Variants in CFL2 observed in about 807,000 individuals in gnomAD.
The protein encoded by CFL2 is cofilin-2.
A neutral mutation model predicts 19.6 loss-of-function variants in CFL2; 10 were observed. The observed-to-expected ratio is 0.51, with a 90% confidence interval of 0.31 to 0.86. The LOEUF (loss-of-function observed/expected upper bound fraction) is 0.86. CFL2 is among the 40% of genes least tolerant of loss of function. CFL2 has a pLI of 0.04. For missense variants in CFL2, 125 were observed against 192.1 expected (o/e 0.65, Z 2.06); for synonymous variants, 63 against 66.7 (o/e 0.95, Z 0.27).
rs1885218863 is a variant in CFL2 at position 34,709,639 on chromosome 14, A to T, written c.*3226T>A. 1 of 150,982 alleles carries T rather than the reference A, an allele frequency of 6.6e-6. No homozygotes were observed. Among genetic ancestry groups the T allele is most frequent in the African/African-American group, 2.4e-5 (1 of 41,086 alleles). The allele number at this position is 150,982 out of a possible 1,614,324, so 9.4% of individuals were successfully genotyped here. On this transcript the variant is annotated 3_prime_UTR_variant, in exon 4 of 4. Transcript: ENST00000298159. Reference sequence around the variant, plus strand: ...AAGAGATACAAAAAAAAAAAAAAAAAAAATTAGGCATGGTGGTGCATGCCT... The same window carrying T: ...AAGAGATACAAAAAAAAAAAAAAAATAAATTAGGCATGGTGGTGCATGCCT...
Position 34,712,657 on chromosome 14 carries a change from G to C in CFL2, c.*208C>G. The C allele has an allele frequency of 1.5e-6, 1 of 671,474 alleles. No individual in the cohort carries two copies. Among genetic ancestry groups the C allele is most frequent in the East Asian group, 2.9e-5 (1 of 34,488 alleles). The allele number at this position is 671,474 out of a possible 1,614,324, so 41.6% of individuals were successfully genotyped here. On this transcript the variant is annotated 3_prime_UTR_variant, in exon 4 of 4. Coordinates refer to ENST00000298159, the MANE Select transcript of CFL2 (RefSeq NM_138638.5). ...AATATGACAGGAAGGCATTCCTTGG[G>C]TTCTATATAAAAGTAACAGTATTCA...
At chr14:34,713,616 A>C (rs1246228872) in intron 1 of CFL2, 55 bp from the exon 2 acceptor site, 7 of 1,613,972 alleles carry the variant, frequency 4.3e-6, no homozygotes, top group Non-Finnish European at 5.9e-6. Context: ...TTTAACCAAA[A>C]TTACTGTTTG....
In CFL2 at chr14:34,711,952, C is replaced by T. The variant is rs1488395088; in HGVS notation, c.*913G>A. The T allele has an allele frequency of 6.6e-6, 3 of 454,108 alleles. No individual in the cohort carries two copies. The highest frequency in any genetic ancestry group is 4.7e-5 in the South Asian group (3 of 64,428). The allele number at this position is 454,108 out of a possible 1,614,324, so 28.1% of individuals were successfully genotyped here. On this transcript the variant is annotated 3_prime_UTR_variant, in exon 4 of 4. Transcript: ENST00000298159. ...AGAGATTAGTAATAGCTGTTTTTAC[C>T]CTAGAAGTTGTTTCACATAACATTT...
At position 34,713,297 on chromosome 14, in the gene CFL2, CG is replaced by C. The variant is rs944117415; in HGVS notation, c.267del (p.Tyr89Ter). On this transcript the variant is annotated frameshift_variant, in exon 2 of 4. Transcript: ENST00000298159. LOFTEE classifies it high-confidence loss of function. ...TCTTCTTTCTTAGACTCTTTTGTTT[CG>C]TATGTGGCATCGTACAAAGCATATC... ...DCRYALYDAT[Y>X]ETKESKKEDL... 6.2e-7 allele frequency: 1 copy of C among 1,613,068 alleles called. No individual in the cohort carries two copies. The highest frequency in any genetic ancestry group is 8.5e-7 in the Non-Finnish European group (1 of 1,179,776).
rs1470213290 is a variant in CFL2 at position 34,710,899 on chromosome 14, A to C, written c.*1966T>G. 4.4e-6 allele frequency: 2 copies of C among 454,006 alleles called. No homozygotes were observed. Among genetic ancestry groups the C allele is most frequent in the African/African-American group, 4.0e-5 (2 of 50,006 alleles). The allele number at this position is 454,006 out of a possible 1,614,324, so 28.1% of individuals were successfully genotyped here. A position where few individuals can be genotyped will look rare whatever the true frequency, so the allele number is the denominator to read the frequency against. ...CTCAATGAAAAATTCCATGGTGCCA[A>C]GTATCAGTTACACATATGGTTAAGT... is the stretch of plus-strand genomic sequence containing the variant. On this transcript the variant is annotated 3_prime_UTR_variant, in exon 4 of 4. Coordinates refer to ENST00000298159, the MANE Select transcript of CFL2 (RefSeq NM_138638.5).
rs1275763861 is a variant in CFL2, at chr14:34,712,529, CA to C, written c.*335del. 1 of 476,942 alleles carries C rather than the reference CA, an allele frequency of 2.1e-6. No homozygotes were observed. The highest frequency in any genetic ancestry group is 2.0e-5 in the African/African-American group (1 of 51,044). The allele number at this position is 476,942 out of a possible 1,614,324, so 29.5% of individuals were successfully genotyped here. A position where few individuals can be genotyped will look rare whatever the true frequency, so the allele number is the denominator to read the frequency against. On this transcript the variant is annotated 3_prime_UTR_variant, in exon 4 of 4. Coordinates refer to ENST00000298159, the MANE Select transcript of CFL2 (RefSeq NM_138638.5). ...CAGTGGATAATACTTTCAAGGCATT[CA>C]ATTAGCTTATCCTTTGCAGTATTCT...
intron 1 of CFL2, chr14:34,714,329 C>A: frequency 1.3e-6 from 1 of 777,036 alleles, no homozygotes; most frequent in South Asian, 3.1e-5. Flanking sequence ...GACGCCCGGG[C>A]CCTCCCCGCC....
intron 2 of CFL2, 51 bp downstream of exon 2, chr14:34,713,197 TATGATA>T: frequency 1.3e-6 from 2 of 1,535,726 alleles, no homozygotes; most frequent in East Asian, 4.8e-5. Flanking sequence ...TAAGACTGAC[TATGATA>T]ATAATAATCC....
In CFL2 at chr14:34,710,786, C is replaced by A; in HGVS notation, c.*2079G>T. On this transcript the variant is annotated 3_prime_UTR_variant, in exon 4 of 4. Coordinates refer to ENST00000298159, the MANE Select transcript of CFL2 (RefSeq NM_138638.5). ...AATCTCTGAAATTACTAGAGGCATACAAGAAAGTTAAGGAATCAGCTACAA... is the reference window on the plus strand; with the variant it reads ...AATCTCTGAAATTACTAGAGGCATAAAAGAAAGTTAAGGAATCAGCTACAA... The A allele has an allele frequency of 2.2e-6, 1 of 452,060 alleles. No individual in the cohort carries two copies. Among genetic ancestry groups the A allele is most frequent in the South Asian group, 1.6e-5 (1 of 63,848 alleles). The allele number at this position is 452,060 out of a possible 1,614,324, so 28.0% of individuals were successfully genotyped here. A position where few individuals can be genotyped will look rare whatever the true frequency, so the allele number is the denominator to read the frequency against.
chr14:34,711,011 G>A lies in CFL2; in HGVS notation c.*1854C>T, dbSNP rs761045685. 3.1e-5 allele frequency: 14 copies of A among 453,990 alleles called. No individual in the cohort carries two copies. Among genetic ancestry groups the A allele is most frequent in the South Asian group, 1.7e-4 (11 of 64,468 alleles). 28.1% of individuals were successfully genotyped at this position (453,990 alleles called of 1,614,324 possible). On this transcript the variant is annotated 3_prime_UTR_variant, in exon 4 of 4. Transcript: ENST00000298159. ...TCCAGGATAACTCACAGGGACAGCT[G>A]GAAGCCTGAAATAAAATTGCTCAGT...
At chr14:34,713,892 C>G (rs1000499953) in intron 1 of CFL2, 125 of 1,369,456 alleles carry the variant, frequency 9.1e-5, no homozygotes, top group Non-Finnish European at 1.1e-4. Context: ...TGTATTGTGT[C>G]AACTCGGCTG....
rs1199135246 is a variant in CFL2, at chr14:34,712,957, C to T, written c.409G>A (p.Val137Ile). The T allele has an allele frequency of 6.2e-7, 1 of 1,608,406 alleles. No homozygotes were observed. Among genetic ancestry groups the T allele is most frequent in the Admixed American group, 1.7e-5 (1 of 59,996 alleles). ...TCCTTAATATCATCCAAGCCATTTA[C>T]TTGCCACTCATGTTTAATACCTAAA... The part of the protein sequence containing the change: ...KFTGIKHEWQ[V>I]NGLDDIKDRS... The change falls in exon 4 of 4, where the codon GTA (valine) becomes ATA (isoleucine). Residue 137 changes from valine (V) to isoleucine (I), a missense_variant. Coordinates refer to ENST00000298159, the MANE Select transcript of CFL2 (RefSeq NM_138638.5).
intron 1 of CFL2, chr14:34,714,213 G>C: frequency 2.5e-6 from 1 of 397,056 alleles, no homozygotes; most frequent in Non-Finnish European, 4.5e-6. Flanking sequence ...AAAGCCTCGC[G>C]TGTTAAGTAA....
chr14:34,714,153 A>G (rs1885414619), intron 1 of CFL2: 1 of 376,390 alleles, frequency 2.7e-6, no homozygotes, highest in Non-Finnish European at 4.8e-6. Flanking sequence ...GTTTTATTAC[A>G]GGCCGTCCAG....
At position 34,712,649 on chromosome 14, in the gene CFL2, T is replaced by C; in HGVS notation, c.*216A>G. The C allele has an allele frequency of 1.5e-6, 1 of 663,510 alleles. No homozygotes were observed. 41.1% of individuals were successfully genotyped at this position (663,510 alleles called of 1,614,324 possible). Reference sequence around the variant, plus strand: ...TTGGCTAAAATATGACAGGAAGGCATTCCTTGGGTTCTATATAAAAGTAAC... The same window carrying C: ...TTGGCTAAAATATGACAGGAAGGCACTCCTTGGGTTCTATATAAAAGTAAC... On this transcript the variant is annotated 3_prime_UTR_variant, in exon 4 of 4. Transcript: ENST00000298159.
At position 34,713,568 on chromosome 14, in the gene CFL2, A is replaced by G; in HGVS notation, c.4-7T>C. ...TCACTGTAACTCCAGAAGCCTGAAA[A>G]TAAACACAGAACAGTAATTCAGAAC... On this transcript the variant is annotated splice_polypyrimidine_tract_variant and splice_region_variant and intron_variant, in intron 1 of 3. Coordinates refer to ENST00000298159, the MANE Select transcript of CFL2 (RefSeq NM_138638.5). The G allele has an allele frequency of 6.2e-7, 1 of 1,614,144 alleles. No individual in the cohort carries two copies. The highest frequency in any genetic ancestry group is 8.5e-7 in the Non-Finnish European group (1 of 1,180,020).
Position 34,711,415 on chromosome 14 carries a change from A to G in CFL2, c.*1450T>C, listed in dbSNP as rs747063506. On this transcript the variant is annotated 3_prime_UTR_variant, in exon 4 of 4. Coordinates refer to ENST00000298159, the MANE Select transcript of CFL2 (RefSeq NM_138638.5). ...TCACACTGAGCAGATCAAATTCTCT[A>G]TAAGGAGCACAGTCTGGACCATAGC... 1.1e-5 allele frequency: 5 copies of G among 454,456 alleles called. No homozygotes were observed. Among genetic ancestry groups the G allele is most frequent in the South Asian group, 3.1e-5 (2 of 64,482 alleles). 28.2% of individuals were successfully genotyped at this position (454,456 alleles called of 1,614,324 possible). A position where few individuals can be genotyped will look rare whatever the true frequency, so the allele number is the denominator to read the frequency against.
Position 34,712,509 on chromosome 14 carries a change from GATA to G in CFL2, c.*353_*355del. The G allele has an allele frequency of 2.1e-6, 1 of 466,678 alleles. No homozygotes were observed. Among genetic ancestry groups the G allele is most frequent in the Non-Finnish European group, 4.2e-6 (1 of 235,350 alleles). 28.9% of individuals were successfully genotyped at this position (466,678 alleles called of 1,614,324 possible). On this transcript the variant is annotated 3_prime_UTR_variant, in exon 4 of 4. Transcript: ENST00000298159. ...AAAAAAGTTGACCATCTGACCAGTG[GATA>G]ATACTTTCAAGGCATTCAATTAGCT...
At position 34,712,370 on chromosome 14, in the gene CFL2, T is replaced by C; in HGVS notation, c.*495A>G. The stretch of plus-strand genomic sequence containing the variant: ...TATTACAAAAAGTGCTTTTAATGCA[T>C]AGTGTTATATCCGTGCTGCCATATC... On this transcript the variant is annotated 3_prime_UTR_variant, in exon 4 of 4. Transcript: ENST00000298159. 2.2e-6 allele frequency: 1 copy of C among 454,662 alleles called. No homozygotes were observed. The highest frequency in any genetic ancestry group is 1.6e-5 in the South Asian group (1 of 64,482). The allele number at this position is 454,662 out of a possible 1,614,324, so 28.2% of individuals were successfully genotyped here.
Sources: allele counts gnomAD v4.1 joint callset, GRCh38; gene constraint gnomAD v4.1.1; transcripts MANE v1.5; gene names NCBI Gene and HGNC (gene_info 2026-07-23, HGNC 2026-07-21).